PACS2: variants seen among roughly 807,000 people sequenced by gnomAD.
PACS2 encodes the protein PACS1-like protein.
PACS2 carries 36 observed loss-of-function variants against 113.0 expected under a neutral mutation model. The observed-to-expected ratio is 0.32, with a 90% CI of 0.24 to 0.42. PACS2 has a LOEUF of 0.42. Among genes scored for constraint, PACS2 ranks in the 10% least tolerant of loss-of-function variants. PACS2 has a pLI of 1.00. For missense variants in PACS2, 1,015 were observed against 1,239.5 expected, an observed-to-expected ratio of 0.82 and a Z score of 2.72; for synonymous variants, 589 against 536.1, an observed-to-expected ratio of 1.10 and a Z score of -1.36.
chr14:105,326,907 C>T (rs1200005310), intron 1 of PACS2, among the ~76,000 whole-genome samples: 1 of 152,238 alleles, frequency 6.6e-6, no homozygotes, highest in Non-Finnish European at 1.5e-5. Context: ...GTTCCTTCGG[C>T]TCCTGCAGTT....
rs2060466983 is a variant in PACS2 at position 105,356,791 on chromosome 14, GC to G, written c.423+1616del. 6.6e-6 allele frequency among the ~76,000 whole-genome samples: 1 copy of G among 151,018 alleles called. No homozygotes were observed. ...TGCAGGCGAGGTCCTGCTGATCCCT[GC>G]CGGTCCCTGTGTTTCCCATTAGCCA... On this transcript the variant is annotated intron_variant, in intron 4 of 24. Coordinates refer to ENST00000447393, the MANE Select transcript of PACS2 (RefSeq NM_001100913.3). The surrounding 1 kb of genome is among the most constrained non-coding windows in gnomAD (Gnocchi z 4.0).
intron 1 of PACS2, among the ~76,000 whole-genome samples, chr14:105,319,789 T>C (rs1465882280): frequency 6.6e-6 from 1 of 152,234 alleles, no homozygotes; most frequent in Non-Finnish European, 1.5e-5. Flanking sequence ...TTAAGGACGA[T>C]GTTTGCTGCA....
Position 105,314,988 on chromosome 14 carries a change from C to A in PACS2, c.70C>A (p.Leu24Met). ...GCTCAACACGCCCGTGCCCATGAAC[C>A]TGTTCGCCACCTGGGAGGTGGACGG... ...GALNTPVPMN[L>M]FATWEVDGSS... Residue 24 changes from leucine to methionine, a missense_variant, in exon 1 of 25, where the codon CTG becomes ATG. By Grantham distance (15) the Leu-to-Met change is conservative. This residue lies in a region of PACS2 where 140 missense variants were observed against 135.1 expected (regional missense o/e 1.04). Transcript: ENST00000447393. 8.0e-7 allele frequency: 1 copy of A among 1,252,170 alleles called. No homozygotes were observed. Among genetic ancestry groups the A allele is most frequent in the Non-Finnish European group, 1.0e-6 (1 of 977,128 alleles). The allele number at this position is 1,252,170 out of a possible 1,614,324, so 77.6% of individuals were successfully genotyped here.
At chr14:105,379,921 GC>G in intron 10 of PACS2, 92 bp downstream of exon 10, 1 of 1,386,422 alleles carries the variant, frequency 7.2e-7, no homozygotes, top group East Asian at 2.4e-5. Flanking sequence ...TGGGCCCAGG[GC>G]CCTGTCCAGC....
intron 6 of PACS2, 47 bp from the exon 7 acceptor site, chr14:105,368,412 C>A: frequency 1.4e-6 from 2 of 1,439,082 alleles, no homozygotes; most frequent in Non-Finnish European, 2.0e-6. Flanking sequence ...GTCCTGCCAG[C>A]ACTATGCAGG....
chr14:105,389,939 C>T (rs919889584), intron 19 of PACS2, 22 bp from the exon 20 acceptor site: 2 of 1,611,400 alleles, frequency 1.2e-6, no homozygotes, highest in Non-Finnish European at 1.7e-6. Context: ...GAGAGCTTAA[C>T]TGTCTGTTTC....
Position 105,317,056 on chromosome 14 carries a change from A to G in PACS2, c.119+2019A>G, listed in dbSNP as rs1399576852. Among the ~76,000 whole-genome samples, 1 of 152,110 alleles carries G rather than the reference A, an allele frequency of 6.6e-6. No homozygotes were observed. Among genetic ancestry groups the G allele is most frequent in the Non-Finnish European group, 1.5e-5 (1 of 68,012 alleles). ...TTGTGCTTGTGCCGCCTGTCCGTGCATCCTCGGACAGTCTGCTACTTAGTT... is the reference window on the plus strand; with the variant it reads ...TTGTGCTTGTGCCGCCTGTCCGTGCGTCCTCGGACAGTCTGCTACTTAGTT... On this transcript the variant is annotated intron_variant, in intron 1 of 24. Coordinates refer to ENST00000447393, the MANE Select transcript of PACS2 (RefSeq NM_001100913.3). This position sits in a 1 kb window ranked among gnomAD's most constrained non-coding sequence, Gnocchi z 4.2.
chr14:105,382,061 G>T lies in PACS2; in HGVS notation c.1413+3G>T, dbSNP rs2081013270. The stretch of plus-strand genomic sequence containing the variant: ...GCCAGCTACAGGTGCAGCTGCAGGT[G>T]GGGGTGGAGGGCGTGGCACGCCCAG... On this transcript the variant is annotated splice_donor_region_variant and intron_variant, in intron 13 of 24. Transcript: ENST00000447393. 6.7e-7 allele frequency: 1 copy of T among 1,498,452 alleles called. No homozygotes were observed. Among genetic ancestry groups the T allele is most frequent in the Non-Finnish European group, 8.7e-7 (1 of 1,144,774 alleles). The allele number at this position is 1,498,452 out of a possible 1,614,324, so 92.8% of individuals were successfully genotyped here.
chr14:105,305,814 G>C (rs2058170189), intron 1 of PACS2, among the ~76,000 whole-genome samples: 1 of 152,250 alleles, frequency 6.6e-6, no homozygotes, highest in African/African-American at 2.4e-5. Context: ...AGTGCCCTCA[G>C]AGCACCCACA....
At chr14:105,381,821 A>G in intron 12 of PACS2, 93 bp from the exon 13 acceptor site, 1 of 1,196,924 alleles carries the variant, frequency 8.4e-7, no homozygotes, top group South Asian at 1.5e-5. Flanking sequence ...TGTCCCCACC[A>G]CAATGTGTAG....
At chr14:105,359,215 C>T (rs1247240760) in intron 4 of PACS2, among the ~76,000 whole-genome samples, 5 of 152,220 alleles carry the variant, frequency 3.3e-5, no homozygotes, top group African/African-American at 1.2e-4. Flanking sequence ...TGTCCAGAGC[C>T]ACCTCCAGCC....
chr14:105,375,715 G>A (rs587672063), intron 8 of PACS2, among the ~76,000 whole-genome samples: 1 of 152,296 alleles, frequency 6.6e-6, no homozygotes, highest in African/African-American at 2.4e-5. Flanking sequence ...AATGTAAGGT[G>A]GTGTGGCAGC....
intron 4 of PACS2, among the ~76,000 whole-genome samples, chr14:105,362,237 T>C (rs934338302): frequency 6.7e-6 from 1 of 149,942 alleles, no homozygotes; most frequent in Non-Finnish European, 1.5e-5. Flanking sequence ...GCTAACACAG[T>C]GAAACACCGT....
chr14:105,392,957 C>T, intron 23 of PACS2, 112 bp downstream of exon 23: 1 of 830,268 alleles, frequency 1.2e-6, no homozygotes, highest in Non-Finnish European at 1.9e-6. Context: ...GGGCAGCCCA[C>T]ATGCGCAGGC....
intron 1 of PACS2, among the ~76,000 whole-genome samples, chr14:105,320,906 A>C (rs1258225671): frequency 6.6e-6 from 1 of 152,208 alleles, no homozygotes; most frequent in Non-Finnish European, 1.5e-5. Context: ...TAATCCCAGC[A>C]CTTTGGGAGG....
At chr14:105,360,070 G>A (rs1404948228) in intron 4 of PACS2, among the ~76,000 whole-genome samples, 1 of 152,184 alleles carries the variant, frequency 6.6e-6, no homozygotes, top group Non-Finnish European at 1.5e-5. Flanking sequence ...GGCTGACCTT[G>A]AAGATATTGT....
chr14:105,397,638 G>C lies in PACS2; in HGVS notation c.*2966G>C, dbSNP rs1171524620. 1 of 152,622 alleles carries C rather than the reference G, an allele frequency of 6.6e-6. No homozygotes were observed. 9.5% of individuals were successfully genotyped at this position (152,622 alleles called of 1,614,324 possible). ...CCACTGTCTCTGGGCATGCAAGCCAGTGTCCTGGTTCAGTGCCTCGGCCAG... is the reference window on the plus strand; with the variant it reads ...CCACTGTCTCTGGGCATGCAAGCCACTGTCCTGGTTCAGTGCCTCGGCCAG... On this transcript the variant is annotated 3_prime_UTR_variant, in exon 25 of 25. Coordinates refer to ENST00000447393, the MANE Select transcript of PACS2 (RefSeq NM_001100913.3).
chr14:105,390,809 G>A (rs2081330251), intron 20 of PACS2: 1 of 274,818 alleles, frequency 3.6e-6, no homozygotes, highest in Non-Finnish European at 7.0e-6. Flanking sequence ...CCAAGGCCCT[G>A]CGGTGTCACT....
rs76723057 is a variant in PACS2 at position 105,351,191 on chromosome 14, G to C, written c.208-1187G>C. 9.7e-4 allele frequency among the ~76,000 whole-genome samples: 148 copies of C among 152,354 alleles called. 3 individuals are homozygous for C. In the East Asian group the frequency reaches 0.019, roughly 20 times the overall value. On this transcript the variant is annotated intron_variant, in intron 2 of 24. Coordinates refer to ENST00000447393, the MANE Select transcript of PACS2 (RefSeq NM_001100913.3). ...ACCCCGCAGCGGCTGCTTGTTTCTC[G>C]GGGCACGAGGTCCCCAAGCTCATCC...
Sources: gnomAD v4.1 joint callset for allele counts (sites outside exome capture counted in the v4.1 genomes callset) on GRCh38, gnomAD v4.1.1 for gene constraint, gnomAD v4.1.1 regional missense constraint, Gnocchi (gnomAD v3.1) non-coding constraint, MANE v1.5 for transcripts, NCBI Gene and HGNC (gene_info 2026-07-23, HGNC 2026-07-21) for gene names.